Variants in SPNS3 observed in about 807,000 individuals in gnomAD.
SPNS3 encodes SPNS lysolipid transporter 3, sphingosine-1-phosphate (putative), also known as protein spinster homolog 3.
SPNS3 carries 51 observed loss-of-function variants against 54.4 expected under a neutral mutation model. The ratio of observed to expected loss-of-function variants is 0.94; its 90% CI spans 0.75 to 1.18. The LOEUF is 1.18. Ranked by LOEUF, SPNS3 falls within the 50% of genes most tolerant of loss-of-function variation. SPNS3 has a pLI of 0.00. For missense variants in SPNS3, 669 were observed against 677.4 expected, an observed-to-expected ratio of 0.99 and a Z score of 0.14; for synonymous variants, 309 against 294.7, an observed-to-expected ratio of 1.05 and a Z score of -0.50.
chr17:4,458,184 CTT>C (rs1971365996), intron 8 of SPNS3, among the ~76,000 whole-genome samples: 1 of 152,204 alleles, frequency 6.6e-6, no homozygotes, highest in South Asian at 2.1e-4. Context: ...GCCTTGCTGT[CTT>C]TCTCCAGAAC....
chr17:4,473,724 G>A (rs927239565), intron 8 of SPNS3, among the ~76,000 whole-genome samples: 1 of 152,134 alleles, frequency 6.6e-6, no homozygotes, highest in Non-Finnish European at 1.5e-5. Context: ...TGAGGACCTG[G>A]GATGGAGGCC....
At chr17:4,458,643 T>TTCTTTCTTTCTTTCTTTCTC (rs1235442851) in intron 8 of SPNS3, among the ~76,000 whole-genome samples, 4 of 144,674 alleles carry the variant, frequency 2.8e-5, no homozygotes, top group African/African-American at 1.1e-4. Context: ...CTTTCTTTCT[T>TTCTTTCTTTCTTTCTTTCTC]TCTTTCCTTC....
intron 9 of SPNS3, among the ~76,000 whole-genome samples, chr17:4,479,699 G>A (rs77871173): frequency 0.036 from 5,467 of 152,328 alleles, 347 homozygotes; most frequent in African/African-American, 0.12. Flanking sequence ...CTGTCCTGAG[G>A]GCATTCAATG....
rs1970656035 is a variant in SPNS3, at chr17:4,434,163, G to A, written c.196G>A (p.Ala66Thr). The A allele has an allele frequency of 6.2e-7, 1 of 1,608,588 alleles. No homozygotes were observed. Among genetic ancestry groups the A allele is most frequent in the African/African-American group, 1.3e-5 (1 of 74,714 alleles). ...LLNYMNWFII[A>T]GVLLDIQEVF... ...GAATTACATGAACTGGTTCATCATTGCAGGTGAGGAGGGGATGGCTACCCT... is the reference window on the plus strand; with the variant it reads ...GAATTACATGAACTGGTTCATCATTACAGGTGAGGAGGGGATGGCTACCCT... Residue 66 changes from alanine to threonine, a missense_variant, in exon 1 of 12, where the codon GCA becomes ACA. Transcript: ENST00000355530.
At chr17:4,459,446 T>G (rs1251735197) in intron 8 of SPNS3, among the ~76,000 whole-genome samples, 1 of 152,020 alleles carries the variant, frequency 6.6e-6, no homozygotes, top group Non-Finnish European at 1.5e-5. Flanking sequence ...GTGCGGTGCT[T>G]CATACATGTA....
At chr17:4,449,046 A>C (rs57491051) in intron 6 of SPNS3, among the ~76,000 whole-genome samples, 189 bp from the exon 7 acceptor site, 14,654 of 152,048 alleles carry the variant, frequency 0.096, 1,836 homozygotes, top group African/African-American at 0.3. Context: ...GGGTAACCTG[A>C]GTGTCTTCTT....
At chr17:4,468,426 C>T (rs1971744336) in intron 8 of SPNS3, among the ~76,000 whole-genome samples, 1 of 152,098 alleles carries the variant, frequency 6.6e-6, no homozygotes, top group Admixed American at 6.6e-5. Flanking sequence ...GAGAAGTGGT[C>T]AGATTCTGGG....
chr17:4,477,587 C>A (rs1009470799), intron 8 of SPNS3, among the ~76,000 whole-genome samples: 5 of 151,992 alleles, frequency 3.3e-5, no homozygotes, highest in Non-Finnish European at 7.4e-5. Context: ...AGGCAGGGGG[C>A]GTGTTCTGGG....
chr17:4,454,529 T>C (rs28558625), intron 8 of SPNS3, among the ~76,000 whole-genome samples: 12,184 of 152,242 alleles, frequency 0.08, 504 homozygotes, highest in Middle Eastern at 0.12. Context: ...CAGAGCCCAT[T>C]GCTTCTCTAG....
At chr17:4,460,558 A>G (rs1029295494) in intron 8 of SPNS3, among the ~76,000 whole-genome samples, 14 of 148,402 alleles carry the variant, frequency 9.4e-5, no homozygotes, top group Admixed American at 8.1e-4. Flanking sequence ...CAGCCTCCCG[A>G]GTAGCTGGGA....
intron 8 of SPNS3, among the ~76,000 whole-genome samples, chr17:4,465,383 AT>A (rs139063302): frequency 5.7e-4 from 84 of 147,516 alleles, no homozygotes; most frequent in African/African-American, 1.2e-3. Context: ...TCTGCATTCT[AT>A]TTTTTTTTTT....
At chr17:4,445,767 G>A (rs1317638050) in intron 3 of SPNS3, among the ~76,000 whole-genome samples, 2 of 152,054 alleles carry the variant, frequency 1.3e-5, no homozygotes, top group Non-Finnish European at 2.9e-5. Flanking sequence ...GCTGGGGGTG[G>A]GGCTGGGGGT....
chr17:4,442,831 C>G (rs548791089), intron 2 of SPNS3, among the ~76,000 whole-genome samples: 1 of 152,258 alleles, frequency 6.6e-6, no homozygotes, highest in South Asian at 2.1e-4. Flanking sequence ...GGATTTGAAT[C>G]CAGGAAGTGT....
chr17:4,434,201 C>A, intron 1 of SPNS3, 35 bp downstream of exon 1: 1 of 1,561,292 alleles, frequency 6.4e-7, no homozygotes, highest in Non-Finnish European at 8.7e-7. Context: ...GCAGTACCTG[C>A]TGCTGTGCCC....
intron 2 of SPNS3, among the ~76,000 whole-genome samples, chr17:4,440,231 C>T (rs1354684415): frequency 6.6e-6 from 1 of 152,238 alleles, no homozygotes; most frequent in Non-Finnish European, 1.5e-5. Flanking sequence ...CGTCCCATCG[C>T]AACATCAGAG....
intron 1 of SPNS3, among the ~76,000 whole-genome samples, chr17:4,435,455 A>AT (rs1489445634): frequency 0.025 from 3,660 of 145,952 alleles, 172 homozygotes; most frequent in African/African-American, 0.09. Flanking sequence ...AAAAAAAAAT[A>AT]AAAAATAAAA....
At chr17:4,446,774 C>A in intron 4 of SPNS3, 122 bp from the exon 5 acceptor site, 1 of 867,628 alleles carries the variant, frequency 1.2e-6, no homozygotes, top group Non-Finnish European at 1.9e-6. Context: ...TGAAACAGGT[C>A]TGAGCCTGCA....
chr17:4,454,763 G>A (rs1483181999), intron 8 of SPNS3, among the ~76,000 whole-genome samples: 3 of 149,242 alleles, frequency 2.0e-5, no homozygotes, highest in African/African-American at 7.4e-5. Context: ...TGGGATTACA[G>A]GCACACACCA....
At chr17:4,448,499 C>T (rs1971065672) in intron 6 of SPNS3, among the ~76,000 whole-genome samples, 196 bp downstream of exon 6, 2 of 152,230 alleles carry the variant, frequency 1.3e-5, no homozygotes, top group South Asian at 4.1e-4. Context: ...ATCACCTTGC[C>T]ATGTGACAGA....
Sources: allele counts gnomAD v4.1 joint callset (sites outside exome capture counted in the v4.1 genomes callset), GRCh38; gene constraint gnomAD v4.1.1; transcripts MANE v1.5; gene names NCBI Gene and HGNC (gene_info 2026-07-23, HGNC 2026-07-21).